Variants in PABPC4L observed in about 807,000 individuals in gnomAD.
PABPC4L encodes polyadenylate-binding protein 4-like.
For missense variants in PABPC4L, 452 were observed against 451.4 expected (o/e 1.00, Z -0.01); for synonymous variants, 169 against 164.1 (o/e 1.03, Z -0.23).
At chr4:134,180,559 A>G in the PABPC4L span, among the ~76,000 whole-genome samples, 21 of 151,980 alleles carry the variant, frequency 1.4e-4, no homozygotes, top group Middle Eastern at 3.4e-3. Flanking sequence ...ACTGAGATGC[A>G]AAAAATCATA....
At chr4:133,948,674 A>G in the PABPC4L span, among the ~76,000 whole-genome samples, 1 of 152,226 alleles carries the variant, frequency 6.6e-6, no homozygotes, top group Non-Finnish European at 1.5e-5. Flanking sequence ...TAGAGCCAAC[A>G]TACAACACAT....
the PABPC4L span, among the ~76,000 whole-genome samples, chr4:134,041,336 A>C: frequency 4.0e-3 from 606 of 152,258 alleles, 4 homozygotes; most frequent in African/African-American, 0.014. Context: ...AATGCCCATC[A>C]ATGGTAGACT....
At chr4:134,036,869 A>T in the PABPC4L span, among the ~76,000 whole-genome samples, 1 of 151,938 alleles carries the variant, frequency 6.6e-6, no homozygotes, top group Non-Finnish European at 1.5e-5. Context: ...CAGCCTGGCC[A>T]ACATGGTGAA....
the PABPC4L span, among the ~76,000 whole-genome samples, chr4:134,189,485 A>G: frequency 1.3e-5 from 2 of 152,192 alleles, no homozygotes; most frequent in African/African-American, 4.8e-5. Flanking sequence ...ATGTACATAC[A>G]TATATACATG....
At chr4:134,121,817 A>G in the PABPC4L span, among the ~76,000 whole-genome samples, 2 of 151,630 alleles carry the variant, frequency 1.3e-5, no homozygotes, top group Non-Finnish European at 2.9e-5. Flanking sequence ...CTTTACTATT[A>G]TTGCATCCTT....
chr4:133,972,896 G>A, the PABPC4L span, among the ~76,000 whole-genome samples: 1 of 152,118 alleles, frequency 6.6e-6, no homozygotes, highest in Non-Finnish European at 1.5e-5. Context: ...ATACAGCACT[G>A]TTTTGTTTGG....
At chr4:133,989,648 G>A in the PABPC4L span, among the ~76,000 whole-genome samples, 3 of 151,938 alleles carry the variant, frequency 2.0e-5, no homozygotes, top group African/African-American at 7.3e-5. Flanking sequence ...ACGTTGTTCT[G>A]TCTTCTTCTG....
At chr4:134,090,333 A>G in the PABPC4L span, among the ~76,000 whole-genome samples, 1 of 152,142 alleles carries the variant, frequency 6.6e-6, no homozygotes, top group Admixed American at 6.6e-5. Context: ...GTTATATACT[A>G]ATACTTTAAT....
the PABPC4L span, among the ~76,000 whole-genome samples, chr4:134,116,356 A>G: frequency 5.9e-5 from 9 of 151,872 alleles, no homozygotes; most frequent in Non-Finnish European, 8.8e-5. Context: ...AGGAAAAGTG[A>G]CTAAAAGCCC....
chr4:133,971,546 T>C, the PABPC4L span, among the ~76,000 whole-genome samples: 2 of 152,178 alleles, frequency 1.3e-5, no homozygotes, highest in Admixed American at 6.5e-5. Context: ...TTTCTCTTTG[T>C]CAATGCAGCC....
chr4:133,995,834 A>C, the PABPC4L span, among the ~76,000 whole-genome samples: 1 of 152,172 alleles, frequency 6.6e-6, no homozygotes, highest in East Asian at 1.9e-4. Context: ...CTGGGCTGTA[A>C]GGTTGTTTTA....
At chr4:134,162,088 A>G in the PABPC4L span, among the ~76,000 whole-genome samples, 1 of 152,146 alleles carries the variant, frequency 6.6e-6, no homozygotes, top group Non-Finnish European at 1.5e-5. Flanking sequence ...AGACACAAAA[A>G]TAAAATGCAA....
At chr4:133,961,607 G>C in the PABPC4L span, among the ~76,000 whole-genome samples, 2 of 152,180 alleles carry the variant, frequency 1.3e-5, no homozygotes, top group South Asian at 4.1e-4. Flanking sequence ...ACGCCCTTTG[G>C]GTCCCCTCCC....
the PABPC4L span, among the ~76,000 whole-genome samples, chr4:134,111,361 A>G: frequency 1.3e-5 from 2 of 152,020 alleles, no homozygotes; most frequent in Admixed American, 1.3e-4. Flanking sequence ...GGAGAGGAAA[A>G]AAACATTCAA....
chr4:134,063,571 A>G, the PABPC4L span, among the ~76,000 whole-genome samples: 4 of 152,110 alleles, frequency 2.6e-5, no homozygotes, highest in African/African-American at 9.7e-5. Context: ...ACACTTGCCA[A>G]TATTGACTGT....
chr4:133,992,475 C>T, the PABPC4L span, among the ~76,000 whole-genome samples: 1 of 152,146 alleles, frequency 6.6e-6, no homozygotes, highest in African/African-American at 2.4e-5. Context: ...TTATAACTTA[C>T]ACACAGTGGG....
chr4:133,983,928 A>T, the PABPC4L span, among the ~76,000 whole-genome samples: 1 of 151,918 alleles, frequency 6.6e-6, no homozygotes, highest in Admixed American at 6.6e-5. Flanking sequence ...TTGACTAATC[A>T]TTAATCCCCA....
chr4:134,016,043 G>T, the PABPC4L span, among the ~76,000 whole-genome samples: 1 of 151,892 alleles, frequency 6.6e-6, no homozygotes, highest in South Asian at 2.1e-4. Context: ...TCCACCTGAC[G>T]TTCACCCCAT....
the PABPC4L span, among the ~76,000 whole-genome samples, chr4:134,121,477 A>G: frequency 1.5e-3 from 227 of 151,796 alleles, no homozygotes; most frequent in African/African-American, 5.3e-3. Context: ...ATATTGATCC[A>G]AACAGATTGA....
Sources: allele counts gnomAD v4.1 joint callset (sites outside exome capture counted in the v4.1 genomes callset), GRCh38; gene constraint gnomAD v4.1.1; transcripts MANE v1.5; gene names NCBI Gene and HGNC (gene_info 2026-07-23, HGNC 2026-07-21).